The following IQSEC3 variants were observed in gnomAD, a reference collection of about 807,000 sequenced individuals.
IQSEC3 encodes the protein IQ motif and SEC7 domain-containing protein 3.
In IQSEC3, 50 loss-of-function variants were observed where a neutral mutation model predicts 105.4. The observed-to-expected ratio is 0.47, with a 90% CI of 0.38 to 0.60. IQSEC3 has a LOEUF of 0.60. Among genes scored for constraint, IQSEC3 ranks in the 20% least tolerant of loss-of-function variants. The probability of loss-of-function intolerance (pLI) is 0.00; values close to 1 mark genes in which losing one functional copy is unlikely to be tolerated. For missense variants in IQSEC3, 1,415 were observed against 1,630.0 expected (o/e 0.87, Z 2.27); for synonymous variants, 708 against 746.0 (o/e 0.95, Z 0.83).
At chr12:88,282 C>T (rs1863979881) in intron 1 of IQSEC3, among the ~76,000 whole-genome samples, 2 of 152,158 alleles carry the variant, frequency 1.3e-5, no homozygotes, top group South Asian at 4.1e-4. Flanking sequence ...TGGTGGGGCA[C>T]TGGGCCTCTT....
At chr12:163,766 T>C (rs1867037306) in intron 9 of IQSEC3, 147 bp downstream of exon 9, 2 of 702,100 alleles carry the variant, frequency 2.8e-6, no homozygotes, top group Non-Finnish European at 4.8e-6. Context: ...TCTGCCTTCA[T>C]GGTGCTTTCA....
At chr12:89,074 A>G (rs1364854890) in intron 1 of IQSEC3, among the ~76,000 whole-genome samples, 1 of 152,138 alleles carries the variant, frequency 6.6e-6, no homozygotes, top group African/African-American at 2.4e-5. Flanking sequence ...AGCATAGAGT[A>G]GGGGCTGGGT....
At chr12:80,372 T>C (rs1364503512) in intron 1 of IQSEC3, among the ~76,000 whole-genome samples, 2 of 152,058 alleles carry the variant, frequency 1.3e-5, no homozygotes, top group Non-Finnish European at 2.9e-5. Flanking sequence ...TGAAGGTGAG[T>C]CCTACAACCC....
chr12:171,302 C>A (rs145014866), intron 13 of IQSEC3, 141 bp downstream of exon 13: 3 of 1,614,024 alleles, frequency 1.9e-6, no homozygotes, highest in South Asian at 2.2e-5. Flanking sequence ...TCAAGAGATA[C>A]AATTAAAAGT....
chr12:154,056 C>T (rs576849656), intron 5 of IQSEC3, among the ~76,000 whole-genome samples: 17 of 152,180 alleles, frequency 1.1e-4, no homozygotes, highest in Non-Finnish European at 1.5e-5. Context: ...CTTCCAGCTC[C>T]ACAGCCCAAG....
At position 139,370 on chromosome 12, in the gene IQSEC3, C is replaced by T. The variant is rs1357207061; in HGVS notation, c.1991+16C>T. ...TCTTCAACATGTAAGTCAGCCCCGGCCCCCAGCCCGGAGTCCTGGGCGTCC... is the reference window on the plus strand; with the variant it reads ...TCTTCAACATGTAAGTCAGCCCCGGTCCCCAGCCCGGAGTCCTGGGCGTCC... On this transcript the variant is annotated intron_variant, in intron 4 of 13. Transcript: ENST00000538872. 3 of 1,520,904 alleles carry T rather than the reference C, an allele frequency of 2.0e-6. No individual in the cohort carries two copies. Among genetic ancestry groups the T allele is most frequent in the South Asian group, 2.4e-5 (2 of 81,714 alleles). The allele number at this position is 1,520,904 out of a possible 1,614,324, so 94.2% of individuals were successfully genotyped here.
chr12:92,070 C>A (rs187610418), intron 1 of IQSEC3, among the ~76,000 whole-genome samples: 1 of 152,288 alleles, frequency 6.6e-6, no homozygotes, highest in East Asian at 1.9e-4. Context: ...CCACAGACTA[C>A]CTCATGTTTA....
intron 1 of IQSEC3, among the ~76,000 whole-genome samples, chr12:84,654 T>A (rs1415803003): frequency 2.6e-5 from 4 of 152,196 alleles, no homozygotes; most frequent in Non-Finnish European, 5.9e-5. Flanking sequence ...TGTGTACACA[T>A]CTTTGTGCAC....
intron 1 of IQSEC3, among the ~76,000 whole-genome samples, chr12:80,410 C>T (rs782681695): frequency 6.6e-5 from 10 of 152,242 alleles, no homozygotes; most frequent in Admixed American, 5.9e-4. Flanking sequence ...CTTCCTGAAC[C>T]GATCTGATAA....
chr12:172,566 G>A (rs913861014), intron 13 of IQSEC3, among the ~76,000 whole-genome samples: 10 of 152,126 alleles, frequency 6.6e-5, no homozygotes, highest in Admixed American at 2.6e-4. Context: ...GCTCTCCCAC[G>A]CAGAGGGCAG....
At chr12:106,604 G>A (rs987606557) in intron 2 of IQSEC3, 35 of 152,236 alleles carry the variant, frequency 2.3e-4, no homozygotes, top group African/African-American at 7.7e-4. Context: ...GAGATGCCAC[G>A]AGGAACATCT....
rs2137031929 is a variant in IQSEC3 at position 152,827 on chromosome 12, T to G, written c.2154-4198T>G. ...TGGGGCCAGCCCTACGTGGCATTAG[T>G]TTTGTCTTCTGTAAAATGGGGAGAT... On this transcript the variant is annotated intron_variant, in intron 5 of 13. Coordinates refer to ENST00000538872, the MANE Select transcript of IQSEC3 (RefSeq NM_001170738.2). This position sits in a 1 kb window ranked among gnomAD's most constrained non-coding sequence, Gnocchi z 4.8. 6.6e-6 allele frequency among the ~76,000 whole-genome samples: 1 copy of G among 152,202 alleles called. No homozygotes were observed. Among genetic ancestry groups the G allele is most frequent in the Non-Finnish European group, 1.5e-5 (1 of 68,010 alleles).
chr12:91,399 T>C (rs994406128), intron 1 of IQSEC3, among the ~76,000 whole-genome samples: 3 of 152,192 alleles, frequency 2.0e-5, no homozygotes, highest in Admixed American at 1.3e-4. Flanking sequence ...CTTGCTGCAC[T>C]TGATGCTCCT....
At chr12:114,580 G>A (rs189453283) in intron 2 of IQSEC3, among the ~76,000 whole-genome samples, 22 of 152,348 alleles carry the variant, frequency 1.4e-4, no homozygotes, top group African/African-American at 5.3e-4. Flanking sequence ...CCGGATGAAT[G>A]TCAATCAAGT....
intron 5 of IQSEC3, chr12:148,184 T>C (rs1866356626): frequency 2.0e-5 from 3 of 152,142 alleles, no homozygotes; most frequent in South Asian, 2.1e-4. Flanking sequence ...CCCACTGTTA[T>C]TGGCATAGAG....
At chr12:156,211 C>T (rs1866679972) in intron 5 of IQSEC3, among the ~76,000 whole-genome samples, 1 of 152,218 alleles carries the variant, frequency 6.6e-6, no homozygotes, top group East Asian at 1.9e-4. Flanking sequence ...GCAAACCCCC[C>T]AGGGTTGGAG....
At chr12:76,008 C>T (rs1395681280) in intron 1 of IQSEC3, among the ~76,000 whole-genome samples, 1 of 152,218 alleles carries the variant, frequency 6.6e-6, no homozygotes, top group Non-Finnish European at 1.5e-5. Flanking sequence ...GCCCTCTACT[C>T]CCTCTGCCCC....
At chr12:120,836 C>T (rs1865194681) in intron 2 of IQSEC3, among the ~76,000 whole-genome samples, 1 of 152,202 alleles carries the variant, frequency 6.6e-6, no homozygotes, top group Admixed American at 6.5e-5. Context: ...CACATCAAAG[C>T]TTTCTGTGGA....
At chr12:127,729 T>C (rs1458337229) in intron 3 of IQSEC3, among the ~76,000 whole-genome samples, 4 of 152,156 alleles carry the variant, frequency 2.6e-5, no homozygotes, top group Non-Finnish European at 5.9e-5. Flanking sequence ...GGGTTGTTTG[T>C]TTTTTTCTTG....
Sources: allele counts gnomAD v4.1 joint callset (sites outside exome capture counted in the v4.1 genomes callset), GRCh38; gene constraint gnomAD v4.1.1; non-coding constraint Gnocchi (gnomAD v3.1); transcripts MANE v1.5; gene names NCBI Gene and HGNC (gene_info 2026-07-23, HGNC 2026-07-21).